Variants in RGS7 observed in about 807,000 individuals in gnomAD.
The protein encoded by RGS7 is regulator of G-protein signaling 7.
RGS7 carries 27 observed loss-of-function variants against 81.1 expected under a neutral mutation model. The observed-to-expected ratio is 0.33, with a 90% CI of 0.25 to 0.46. RGS7 has a LOEUF of 0.46. RGS7 is among the 20% of genes least tolerant of loss of function. The probability of loss-of-function intolerance (pLI) is 1.00; values close to 1 mark genes in which losing one functional copy is unlikely to be tolerated. For synonymous variants in RGS7, 208 were observed against 207.7 expected (o/e 1.00, Z -0.01); for missense variants, 396 against 607.4 (o/e 0.65, Z 3.66).
intron 2 of RGS7, among the ~76,000 whole-genome samples, chr1:241,119,802 G>A (rs1319065174): frequency 6.6e-6 from 1 of 151,960 alleles, no homozygotes; most frequent in Non-Finnish European, 1.5e-5. Context: ...ACTGTCAGTT[G>A]TTTTCCTTGA....
rs140408361 is a variant in RGS7 at position 240,925,559 on chromosome 1, G to A, written c.385+5158C>T. ...GCACCTATGTTGATTTCATGTCTTC[G>A]CTGTTGTGAATATCGCTGTGATGAA... On this transcript the variant is annotated intron_variant, in intron 6 of 18. Transcript: ENST00000440928. Among the ~76,000 whole-genome samples the A allele has an allele frequency of 5.7e-3, 860 of 152,050 alleles. 10 individuals carry two copies. The highest frequency in any genetic ancestry group is 0.02 in the African/African-American group (810 of 41,450).
At chr1:240,816,849 A>G (rs375715834) in intron 10 of RGS7, among the ~76,000 whole-genome samples, 1 of 152,218 alleles carries the variant, frequency 6.6e-6, no homozygotes, top group African/African-American at 2.4e-5. Context: ...TAAATGGGGC[A>G]CTGAGGAGAG....
chr1:240,994,358 A>G (rs1686957147), intron 3 of RGS7, among the ~76,000 whole-genome samples: 1 of 152,158 alleles, frequency 6.6e-6, no homozygotes, highest in Non-Finnish European at 1.5e-5. Flanking sequence ...TTTCACCAGC[A>G]TTTTGCAGTT....
At chr1:240,970,970 T>C (rs1281563419) in intron 4 of RGS7, among the ~76,000 whole-genome samples, 1 of 151,992 alleles carries the variant, frequency 6.6e-6, no homozygotes, top group Non-Finnish European at 1.5e-5. Context: ...TACAGGGAGA[T>C]TCCGTCTCAA....
chr1:241,325,536 A>G (rs1334226754), intron 2 of RGS7, among the ~76,000 whole-genome samples: 3 of 152,188 alleles, frequency 2.0e-5, no homozygotes, highest in African/African-American at 7.2e-5. Flanking sequence ...TCACAGGTGC[A>G]CACACTTAAA....
chr1:241,136,286 C>T (rs1053585800), intron 2 of RGS7, among the ~76,000 whole-genome samples: 1 of 152,196 alleles, frequency 6.6e-6, no homozygotes, highest in South Asian at 2.1e-4. Flanking sequence ...ATACTGATTT[C>T]AAGGCCCAGC....
At chr1:241,213,232 A>T (rs2074350569) in intron 2 of RGS7, among the ~76,000 whole-genome samples, 1 of 152,172 alleles carries the variant, frequency 6.6e-6, no homozygotes, top group South Asian at 2.1e-4. Context: ...ACTGACCGTA[A>T]ATCTCACTGG....
intron 6 of RGS7, among the ~76,000 whole-genome samples, chr1:240,906,566 T>C (rs964318205): frequency 6.6e-6 from 1 of 152,240 alleles, no homozygotes; most frequent in Non-Finnish European, 1.5e-5. Context: ...TTACCATTTC[T>C]ACCTCCCTCT....
chr1:241,105,742 C>T (rs868831842), intron 2 of RGS7, among the ~76,000 whole-genome samples: 3 of 152,236 alleles, frequency 2.0e-5, no homozygotes, highest in Middle Eastern at 6.8e-3. Context: ...GTAGGCAAAA[C>T]ATTTGTTATG....
chr1:241,340,964 G>A (rs1289778208), intron 2 of RGS7, among the ~76,000 whole-genome samples: 1 of 152,170 alleles, frequency 6.6e-6, no homozygotes, highest in African/African-American at 2.4e-5. Context: ...GACTGCCAGG[G>A]AAATCTCTGA....
At chr1:240,890,334 G>C (rs1668088393) in intron 6 of RGS7, among the ~76,000 whole-genome samples, 1 of 152,104 alleles carries the variant, frequency 6.6e-6, no homozygotes, top group African/African-American at 2.4e-5. Context: ...TGTGTTTTTA[G>C]TAGAGATGGG....
intron 2 of RGS7, among the ~76,000 whole-genome samples, chr1:241,273,594 T>G (rs973716816): frequency 6.6e-6 from 1 of 152,194 alleles, no homozygotes; most frequent in African/African-American, 2.4e-5. Flanking sequence ...ACTGCCAGCC[T>G]TTAGGGTCTC....
intron 2 of RGS7, among the ~76,000 whole-genome samples, chr1:241,111,553 A>G (rs1365950563): frequency 1.3e-5 from 2 of 152,042 alleles, no homozygotes; most frequent in Admixed American, 6.6e-5. Flanking sequence ...AGGGAGAAGG[A>G]TTGCTTGAGG....
At position 240,793,611 on chromosome 1, in the gene RGS7, A is replaced by ATATATAT; in HGVS notation, c.*6+7029_*6+7030insATATATA. On this transcript the variant is annotated intron_variant, in intron 18 of 18. Coordinates refer to ENST00000440928, the MANE Select transcript of RGS7 (RefSeq NM_001364886.1). Reference sequence around the variant, plus strand: ...AATATATATATATATATATATATATATTTTTTTTTTTTTTTTGAGACAGAG... The same window carrying ATATATAT: ...AATATATATATATATATATATATATATATATATTTTTTTTTTTTTTTTTGAGACAGAG... Among the ~76,000 whole-genome samples, 210 of 78,788 alleles carry ATATATAT rather than the reference A, an allele frequency of 2.7e-3. 9 individuals are homozygous for ATATATAT. Among genetic ancestry groups the ATATATAT allele is most frequent in the African/African-American group, 0.019 (200 of 10,284 alleles). 51.7% of individuals were successfully genotyped at this position (78,788 alleles called of 152,430 possible).
Position 240,953,362 on chromosome 1 carries a change from T to C in RGS7, c.227-16656A>G, listed in dbSNP as rs564948752. Among the ~76,000 whole-genome samples the C allele has an allele frequency of 5.9e-5, 9 of 151,892 alleles. No individual in the cohort carries two copies. The South Asian group carries it at 1.4e-3, about 24-fold the overall frequency. ...CTTGTGTCATAAAATAGATCTTAAA[T>C]CTAAAAGAACAGAAATCATACAAAG... On this transcript the variant is annotated intron_variant, in intron 4 of 18. Coordinates refer to ENST00000440928, the MANE Select transcript of RGS7 (RefSeq NM_001364886.1).
At chr1:240,853,332 A>C (rs1317658976) in intron 9 of RGS7, among the ~76,000 whole-genome samples, 1 of 152,246 alleles carries the variant, frequency 6.6e-6, no homozygotes, top group Non-Finnish European at 1.5e-5. Flanking sequence ...CAAGCATGTT[A>C]GCAACATGAA....
intron 3 of RGS7, among the ~76,000 whole-genome samples, chr1:240,996,964 C>G (rs1281655899): frequency 6.6e-6 from 1 of 151,360 alleles, no homozygotes; most frequent in African/African-American, 2.4e-5. Flanking sequence ...TGTTTGTTTG[C>G]TTGTTTTTAC....
intron 2 of RGS7, among the ~76,000 whole-genome samples, chr1:241,239,618 T>G (rs1009183310): frequency 6.6e-6 from 1 of 152,146 alleles, no homozygotes; most frequent in Non-Finnish European, 1.5e-5. Context: ...CCTTCATCTT[T>G]TTTACTCTCC....
chr1:240,815,135 C>T (rs987614240), intron 11 of RGS7, among the ~76,000 whole-genome samples: 5 of 151,992 alleles, frequency 3.3e-5, no homozygotes, highest in South Asian at 2.1e-4. Context: ...CCCAGGAATT[C>T]GAGACCAGCC....
Sources: allele counts gnomAD v4.1 joint callset (sites outside exome capture counted in the v4.1 genomes callset), GRCh38; gene constraint gnomAD v4.1.1; transcripts MANE v1.5; gene names NCBI Gene and HGNC (gene_info 2026-07-23, HGNC 2026-07-21).